Variants in PLCL1 observed in about 807,000 individuals in gnomAD.
The protein encoded by PLCL1 is phospholipase C like 1 (inactive).
Under a neutral mutation model 84.4 loss-of-function variants are expected in PLCL1, and 41 were observed. That is an observed-to-expected ratio of 0.49 (90% CI 0.38 to 0.63). The LOEUF (loss-of-function observed/expected upper bound fraction) is 0.63. Among genes scored for constraint, PLCL1 ranks in the 30% least tolerant of loss-of-function variants. PLCL1 has a pLI of 0.00. For missense variants in PLCL1, 1,206 were observed against 1,367.8 expected, an observed-to-expected ratio of 0.88 and a Z score of 1.87; for synonymous variants, 490 against 488.3, an observed-to-expected ratio of 1.00 and a Z score of -0.05.
At chr2:197,843,378 T>C (rs770333780) in intron 1 of PLCL1, among the ~76,000 whole-genome samples, 2 of 152,218 alleles carry the variant, frequency 1.3e-5, no homozygotes, top group African/African-American at 2.4e-5. Flanking sequence ...AGAAAACTTA[T>C]ATTTTTATTC....
At chr2:197,910,067 C>T (rs1688454579) in intron 1 of PLCL1, among the ~76,000 whole-genome samples, 1 of 152,174 alleles carries the variant, frequency 6.6e-6, no homozygotes, top group African/African-American at 2.4e-5. Context: ...CATCTGTAAA[C>T]TGGGGTTAAC....
At position 198,109,807 on chromosome 2, in the gene PLCL1, T is replaced by TA. The variant is rs1306734328; in HGVS notation, c.3105+5871_3105+5872insA. ...TTTTAGTGAGCTTTCCCAATATATA[T>TA]TTTTCTAACTTGTCCTGTTGGCTAT... On this transcript the variant is annotated intron_variant, in intron 5 of 5. Transcript: ENST00000428675. Among the ~76,000 whole-genome samples, 4 of 151,874 alleles carry TA rather than the reference T, an allele frequency of 2.6e-5. No individual in the cohort carries two copies. In the East Asian group the frequency reaches 7.8e-4, roughly 29 times the overall value.
chr2:197,915,406 C>T (rs904185686), intron 1 of PLCL1, among the ~76,000 whole-genome samples: 1 of 151,668 alleles, frequency 6.6e-6, no homozygotes, highest in Non-Finnish European at 1.5e-5. Flanking sequence ...AGGAATTTTA[C>T]TTGTCAAGTG....
intron 1 of PLCL1, among the ~76,000 whole-genome samples, chr2:197,895,913 C>T (rs929249851): frequency 1.3e-5 from 2 of 151,818 alleles, no homozygotes; most frequent in East Asian, 1.9e-4. Flanking sequence ...GATCATCTTT[C>T]GATTATACTG....
At chr2:197,934,391 A>T (rs908601930) in intron 1 of PLCL1, among the ~76,000 whole-genome samples, 7 of 152,210 alleles carry the variant, frequency 4.6e-5, no homozygotes, top group Non-Finnish European at 7.3e-5. Context: ...CAGAGTGTTT[A>T]TCAGTGCTGA....
At chr2:197,843,924 G>A (rs560746848) in intron 1 of PLCL1, among the ~76,000 whole-genome samples, 6 of 152,062 alleles carry the variant, frequency 3.9e-5, no homozygotes, top group Non-Finnish European at 7.4e-5. Flanking sequence ...CAGGCAGTGC[G>A]GCACCATATT....
intron 1 of PLCL1, among the ~76,000 whole-genome samples, chr2:197,943,627 C>CTTTTTT (rs5837573): frequency 2.5e-3 from 303 of 119,080 alleles, no homozygotes; most frequent in Middle Eastern, 4.9e-3. Flanking sequence ...TTGGTTACAT[C>CTTTTTT]TTTTTTTTTT....
chr2:198,070,601 T>C (rs964709870), intron 1 of PLCL1, among the ~76,000 whole-genome samples: 11 of 152,022 alleles, frequency 7.2e-5, no homozygotes, highest in African/African-American at 2.7e-4. Flanking sequence ...TTTTTACATA[T>C]TGTATTAGAA....
At position 198,126,585 on chromosome 2, in the gene PLCL1, C is replaced by A. The variant is rs989590344; in HGVS notation, c.3106-20195C>A. On this transcript the variant is annotated intron_variant, in intron 5 of 5. Transcript: ENST00000428675. ...GATTCCAAATCTAGGTGCTCACATT[C>A]ATTTCACACCATTAGCAAGTTAAAA... is the stretch of plus-strand genomic sequence containing the variant. 3.3e-5 allele frequency among the ~76,000 whole-genome samples: 5 copies of A among 152,160 alleles called. No individual in the cohort carries two copies. The East Asian group carries it at 5.8e-4, about 18-fold the overall frequency.
At chr2:197,968,948 AGGAACC>A (rs1290731803) in intron 1 of PLCL1, among the ~76,000 whole-genome samples, 1 of 152,206 alleles carries the variant, frequency 6.6e-6, no homozygotes, top group African/African-American at 2.4e-5. Flanking sequence ...CGGTCTGGTT[AGGAACC>A]GGGCCACACA....
intron 4 of PLCL1, among the ~76,000 whole-genome samples, chr2:198,102,299 G>A (rs1693366727): frequency 6.6e-6 from 1 of 152,012 alleles, no homozygotes; most frequent in Non-Finnish European, 1.5e-5. Flanking sequence ...GTCCCATGAG[G>A]TAAACCCACT....
intron 1 of PLCL1, among the ~76,000 whole-genome samples, chr2:197,830,341 C>G (rs879438389): frequency 3.3e-5 from 5 of 151,736 alleles, no homozygotes; most frequent in Non-Finnish European, 7.4e-5. Context: ...ACTGATGGAG[C>G]TGAAAAAGAC....
chr2:197,808,825 A>G (rs1250174628), intron 1 of PLCL1, among the ~76,000 whole-genome samples: 1 of 152,208 alleles, frequency 6.6e-6, no homozygotes, highest in African/African-American at 2.4e-5. Flanking sequence ...TATGTGACAC[A>G]TTGACGGGTT....
chr2:197,948,201 T>G (rs1214741867), intron 1 of PLCL1, among the ~76,000 whole-genome samples: 1 of 151,958 alleles, frequency 6.6e-6, no homozygotes, highest in Non-Finnish European at 1.5e-5. Flanking sequence ...AGAGAGTGAG[T>G]GAATTCAAAG....
chr2:198,068,468 C>T (rs1692370298), intron 1 of PLCL1, among the ~76,000 whole-genome samples: 2 of 152,310 alleles, frequency 1.3e-5, no homozygotes, highest in African/African-American at 2.4e-5. Flanking sequence ...GGGATTCACA[C>T]TTCCTGAGGT....
chr2:197,870,699 T>C (rs1255046544), intron 1 of PLCL1, among the ~76,000 whole-genome samples: 1 of 152,158 alleles, frequency 6.6e-6, no homozygotes, highest in Non-Finnish European at 1.5e-5. Context: ...CTCTTTATTC[T>C]ACTACCCATA....
In PLCL1 at chr2:198,084,683, T is replaced by C. The variant is rs1692813212; in HGVS notation, c.1166T>C (p.Phe389Ser). ...QYLLSSECDI[F>S]DPEQKKVAQD... is the part of the protein sequence containing the mutation. ...TTATTGTCATCAGAATGTGACATTTTTGATCCTGAGCAAAAGAAGGTTGCC... is the reference window on the plus strand; with the variant it reads ...TTATTGTCATCAGAATGTGACATTTCTGATCCTGAGCAAAAGAAGGTTGCC... Residue 389 changes from phenylalanine to serine, a missense_variant, in exon 2 of 6, where the codon TTT (phenylalanine) becomes TCT (serine). Transcript: ENST00000428675. The C allele has an allele frequency of 1.2e-6, 2 of 1,613,934 alleles. No individual in the cohort carries two copies. The highest frequency in any genetic ancestry group is 1.7e-5 in the Admixed American group (1 of 60,000).
At chr2:198,116,713 A>G (rs1693756325) in intron 5 of PLCL1, among the ~76,000 whole-genome samples, 1 of 151,878 alleles carries the variant, frequency 6.6e-6, no homozygotes, top group Non-Finnish European at 1.5e-5. Flanking sequence ...ATCATTGCAT[A>G]ATATTATGGA....
At chr2:197,886,752 G>A (rs2105721110) in intron 1 of PLCL1, among the ~76,000 whole-genome samples, 1 of 152,252 alleles carries the variant, frequency 6.6e-6, no homozygotes, top group East Asian at 1.9e-4. Context: ...TAGCTCTTGG[G>A]TGGATATTTG....
Sources: gnomAD v4.1 joint callset for allele counts (sites outside exome capture counted in the v4.1 genomes callset) on GRCh38, gnomAD v4.1.1 for gene constraint, MANE v1.5 for transcripts, NCBI Gene and HGNC (gene_info 2026-07-23, HGNC 2026-07-21) for gene names.